Variants in RBFOX1 observed in about 807,000 individuals in gnomAD.
The protein encoded by RBFOX1 is RNA binding fox-1 homolog 1, also known as RNA binding protein fox-1 homolog 1.
A neutral mutation model predicts 57.7 loss-of-function variants in RBFOX1; 8 were observed. The observed-to-expected ratio is 0.14, with a 90% CI of 0.08 to 0.25. The LOEUF (loss-of-function observed/expected upper bound fraction) is 0.25, where lower values mean the gene tolerates loss of function less well. Among genes scored for constraint, RBFOX1 ranks in the 10% least tolerant of loss-of-function variants. The probability of loss-of-function intolerance (pLI) is 1.00; values close to 1 mark genes in which losing one functional copy is unlikely to be tolerated. For synonymous variants in RBFOX1, 326 were observed against 222.4 expected, an observed-to-expected ratio of 1.47 and a Z score of -4.15; for missense variants, 611 against 548.5, an observed-to-expected ratio of 1.11 and a Z score of -1.14.
chr16:6,845,142 C>T (rs974149973), intron 3 of RBFOX1, among the ~76,000 whole-genome samples: 1 of 83,682 alleles, frequency 1.2e-5, no homozygotes, highest in African/African-American at 3.7e-5. Context: ...TCTGTTCACT[C>T]TGGTAGTTTC....
At chr16:7,642,637 A>G (rs974357251) in intron 11 of RBFOX1, among the ~76,000 whole-genome samples, 1 of 152,164 alleles carries the variant, frequency 6.6e-6, no homozygotes, top group African/African-American at 2.4e-5. Flanking sequence ...TTAACAATTG[A>G]AACTTCAGTA....
intron 4 of RBFOX1, among the ~76,000 whole-genome samples, chr16:7,470,674 G>C (rs2061400629): frequency 1.3e-5 from 2 of 152,050 alleles, no homozygotes; most frequent in South Asian, 4.1e-4. Flanking sequence ...ATGTATGTAT[G>C]GTTAGATGGA....
chr16:6,106,862 G>A (rs919786073), intron 1 of RBFOX1, among the ~76,000 whole-genome samples: 9 of 151,874 alleles, frequency 5.9e-5, no homozygotes, highest in African/African-American at 1.2e-4. Flanking sequence ...TAGTAGAGAC[G>A]GGGTTTCACT....
chr16:7,043,601 T>C (rs2046904097), intron 3 of RBFOX1, among the ~76,000 whole-genome samples: 1 of 152,242 alleles, frequency 6.6e-6, no homozygotes, highest in Non-Finnish European at 1.5e-5. Context: ...TATATTGAGT[T>C]CTATGCTGGT....
chr16:6,244,855 C>T (rs933643004), intron 1 of RBFOX1, among the ~76,000 whole-genome samples: 17 of 152,168 alleles, frequency 1.1e-4, no homozygotes, highest in South Asian at 1.0e-3. Context: ...TTCTCCTTCA[C>T]GGATTTGTCT....
At chr16:6,592,310 T>G (rs2097722521) in intron 2 of RBFOX1, among the ~76,000 whole-genome samples, 1 of 152,222 alleles carries the variant, frequency 6.6e-6, no homozygotes, top group Admixed American at 6.5e-5. Context: ...CCATGATGGA[T>G]ATTATCTGCA....
intron 1 of RBFOX1, among the ~76,000 whole-genome samples, chr16:6,257,369 A>T (rs972998055): frequency 2.6e-5 from 4 of 151,928 alleles, no homozygotes; most frequent in African/African-American, 7.2e-5. Flanking sequence ...TCTTTTCCCC[A>T]TTCAAATTAA....
At chr16:7,316,694 A>G (rs2096447367) in intron 4 of RBFOX1, among the ~76,000 whole-genome samples, 1 of 152,098 alleles carries the variant, frequency 6.6e-6, no homozygotes, top group Admixed American at 6.6e-5. Flanking sequence ...GGGTGAGGGA[A>G]GCTTTTTTGA....
intron 13 of RBFOX1, among the ~76,000 whole-genome samples, chr16:7,666,514 G>C (rs561441028): frequency 6.6e-6 from 1 of 152,216 alleles, no homozygotes; most frequent in East Asian, 1.9e-4. Flanking sequence ...TTAATGTGTG[G>C]TGTCTTATGC....
rs377002813 is a variant in RBFOX1, at chr16:5,547,860, G to A, written c.259-51042G>A. Among the ~76,000 whole-genome samples, 16 of 152,050 alleles carry A rather than the reference G, an allele frequency of 1.1e-4. 1 individual carries two copies. Among genetic ancestry groups the A allele is most frequent in the East Asian group, 9.7e-4 (5 of 5,158 alleles). ...AGCTAAACATTGGGTACACATGGACGTAAAGATGGCAACCATAGGCCAGGC... is the reference window on the plus strand; with the variant it reads ...AGCTAAACATTGGGTACACATGGACATAAAGATGGCAACCATAGGCCAGGC... On this transcript the variant is annotated intron_variant, in intron 2 of 2. Transcript: ENST00000585867.
At chr16:7,298,275 G>GTT (rs1281918637) in intron 4 of RBFOX1, among the ~76,000 whole-genome samples, 77 of 117,532 alleles carry the variant, frequency 6.6e-4, no homozygotes, top group African/African-American at 1.4e-3. Context: ...TTGTGTATAG[G>GTT]TTTTTTTTTG....
At chr16:5,769,055 A>T (rs867621437) in intron 3 of RBFOX1, among the ~76,000 whole-genome samples, 1 of 152,178 alleles carries the variant, frequency 6.6e-6, no homozygotes, top group African/African-American at 2.4e-5. Context: ...TAAAGCCTAT[A>T]AACTACCAAC....
chr16:7,140,930 T>C (rs750637944), intron 4 of RBFOX1, among the ~76,000 whole-genome samples: 1 of 152,166 alleles, frequency 6.6e-6, no homozygotes, highest in African/African-American at 2.4e-5. Flanking sequence ...GCATGGTTTC[T>C]AAGTGTCTCA....
chr16:5,941,414 C>T (rs1303762713), intron 4 of RBFOX1, among the ~76,000 whole-genome samples: 1 of 151,284 alleles, frequency 6.6e-6, no homozygotes, highest in Non-Finnish European at 1.5e-5. Flanking sequence ...CACTTGAGCC[C>T]AGGAGTTTGA....
At chr16:6,694,751 C>G (rs1209587784) in intron 3 of RBFOX1, among the ~76,000 whole-genome samples, 1 of 152,156 alleles carries the variant, frequency 6.6e-6, no homozygotes, top group East Asian at 1.9e-4. Context: ...AAAATGAATT[C>G]CAGCATTGCC....
chr16:7,676,873 T>A (rs113601244), intron 14 of RBFOX1, 35 bp downstream of exon 14: 4 of 1,567,398 alleles, frequency 2.6e-6, no homozygotes, highest in Middle Eastern at 1.7e-4. Flanking sequence ...GACAACTACT[T>A]GTAAATTAAC....
chr16:6,284,358 C>A (rs1463753167), intron 1 of RBFOX1, among the ~76,000 whole-genome samples: 1 of 152,172 alleles, frequency 6.6e-6, no homozygotes, highest in Non-Finnish European at 1.5e-5. Flanking sequence ...CCCAATGATG[C>A]TTGCTGGTAA....
chr16:5,818,916 C>G (rs1288403794), intron 3 of RBFOX1, among the ~76,000 whole-genome samples: 1 of 152,178 alleles, frequency 6.6e-6, no homozygotes, highest in Admixed American at 6.5e-5. Flanking sequence ...TCACCTTTGA[C>G]TCATCTCTTT....
intron 1 of RBFOX1, among the ~76,000 whole-genome samples, chr16:5,435,259 T>A (rs932055858): frequency 2.0e-5 from 3 of 152,196 alleles, no homozygotes; most frequent in Non-Finnish European, 2.9e-5. Flanking sequence ...TAAACTGATA[T>A]GTGCAAACAG....
Sources: allele counts gnomAD v4.1 joint callset (sites outside exome capture counted in the v4.1 genomes callset), GRCh38; gene constraint gnomAD v4.1.1; transcripts MANE v1.5; gene names NCBI Gene and HGNC (gene_info 2026-07-23, HGNC 2026-07-21).